The following SAMSN1 variants were observed in gnomAD, a reference collection of about 807,000 sequenced individuals.
The protein encoded by SAMSN1 is SAM domain-containing protein SAMSN-1.
SAMSN1 carries 31 observed loss-of-function variants against 42.0 expected under a neutral mutation model. The ratio of observed to expected loss-of-function variants is 0.74; its 90% CI spans 0.55 to 1.00. The LOEUF (loss-of-function observed/expected upper bound fraction) is 1.00. Ranked by LOEUF, SAMSN1 falls within the 50% of genes least tolerant of loss-of-function variation. SAMSN1 has a pLI of 0.00. For synonymous variants in SAMSN1, 178 were observed against 151.9 expected (o/e 1.17, Z -1.26); for missense variants, 464 against 439.4 (o/e 1.06, Z -0.50).
At chr21:14,602,206 C>T in intron 5 of SAMSN1, 1 of 372,042 alleles carries the variant, frequency 2.7e-6, no homozygotes, top group Non-Finnish European at 4.9e-6. Flanking sequence ...TAAGACATTA[C>T]ATTGGCTACG....
intron 1 of SAMSN1, among the ~76,000 whole-genome samples, chr21:14,530,316 CAA>C (rs71183428): frequency 2.6e-5 from 2 of 75,760 alleles, no homozygotes; most frequent in African/African-American, 1.2e-4. Context: ...GACTCCGTCT[CAA>C]AAAAAAAAAA....
chr21:14,485,476 A>G lies in SAMSN1; in HGVS notation c.*436T>C, dbSNP rs1006511889. The stretch of plus-strand genomic sequence containing the variant: ...ATTAACTCACACTTTCCCAATAAGT[A>G]TAAAAATGAATATAACATTGCTTGG... On this transcript the variant is annotated 3_prime_UTR_variant, in exon 8 of 8. Coordinates refer to ENST00000400566, the MANE Select transcript of SAMSN1 (RefSeq NM_022136.5). The G allele has an allele frequency of 1.3e-5, 2 of 156,494 alleles. No homozygotes were observed. The highest frequency in any genetic ancestry group is 2.4e-5 in the African/African-American group (1 of 41,484). The allele number at this position is 156,494 out of a possible 1,614,324, so 9.7% of individuals were successfully genotyped here. A position where few individuals can be genotyped will look rare whatever the true frequency, so the allele number is the denominator to read the frequency against.
At chr21:14,588,778 G>T (rs956788313) in intron 7 of SAMSN1, among the ~76,000 whole-genome samples, 1 of 151,950 alleles carries the variant, frequency 6.6e-6, no homozygotes, top group African/African-American at 2.4e-5. Context: ...AATGTATCTT[G>T]AATGTTTCTT....
intron 7 of SAMSN1, among the ~76,000 whole-genome samples, chr21:14,588,833 T>C (rs73891867): frequency 3.2e-4 from 49 of 152,018 alleles, no homozygotes; most frequent in African/African-American, 1.2e-3. Context: ...TTTTCTTTCA[T>C]TGAAACTACT....
chr21:14,605,196 C>A (rs1413166389), intron 5 of SAMSN1, among the ~76,000 whole-genome samples: 1 of 152,212 alleles, frequency 6.6e-6, no homozygotes. Flanking sequence ...AAATAGGCAA[C>A]CATAATCTCA....
Position 14,582,274 on chromosome 21 carries a change from C to T in SAMSN1, c.123G>A (p.Lys41=), listed in dbSNP as rs151160030. The change falls in exon 2 of 9, where the codon AAG becomes AAA. Residue 41 remains lysine, a synonymous_variant. Coordinates refer to the SAMSN1 transcript ENST00000285670. ...TCCAGAGAGGGTTTTCAGGAAAAGGCTTCCAGTGATGCCACATGTAAGCTT... is the reference window on the plus strand; with the variant it reads ...TCCAGAGAGGGTTTTCAGGAAAAGGTTTCCAGTGATGCCACATGTAAGCTT... 17 of 1,550,730 alleles carry T rather than the reference C, an allele frequency of 1.1e-5. No homozygotes were observed. In the African/African-American group the frequency reaches 2.3e-4, roughly 21 times the overall value.
intron 1 of SAMSN1, among the ~76,000 whole-genome samples, chr21:14,540,995 G>A (rs947070390): frequency 1.4e-4 from 22 of 152,104 alleles, no homozygotes; most frequent in Admixed American, 2.6e-4. Context: ...CATGGATGAA[G>A]CTGGAAACCA....
chr21:14,582,827 T>C (rs924073322), intron 1 of SAMSN1, among the ~76,000 whole-genome samples: 2 of 150,246 alleles, frequency 1.3e-5, no homozygotes, highest in African/African-American at 5.0e-5. Flanking sequence ...CTTATGTTTC[T>C]ATTCTTAAAT....
chr21:14,648,753 T>G (rs934688531), intron 1 of SAMSN1, among the ~76,000 whole-genome samples: 1 of 151,588 alleles, frequency 6.6e-6, no homozygotes, highest in African/African-American at 2.4e-5. Context: ...TGGCGATCAT[T>G]AAAAAGTCAG....
At chr21:14,621,266 C>A (rs1982996423) in intron 2 of SAMSN1, among the ~76,000 whole-genome samples, 1 of 152,180 alleles carries the variant, frequency 6.6e-6, no homozygotes, top group Non-Finnish European at 1.5e-5. Context: ...GCATTTCCAT[C>A]TGAGGTACTG....
intron 6 of SAMSN1, among the ~76,000 whole-genome samples, chr21:14,599,840 C>A (rs922965223): frequency 2.0e-5 from 3 of 152,044 alleles, no homozygotes; most frequent in Admixed American, 6.6e-5. Flanking sequence ...ATAAACTACC[C>A]GGTCTCAAGT....
Position 14,608,208 on chromosome 21 carries a change from A to G in SAMSN1, c.322+1274T>C, listed in dbSNP as rs953665042. Among the ~76,000 whole-genome samples the G allele has an allele frequency of 1.2e-4, 18 of 152,364 alleles. 1 individual carries two copies. In the East Asian group the frequency reaches 3.5e-3, roughly 29 times the overall value. On this transcript the variant is annotated intron_variant, in intron 5 of 15. Coordinates refer to the SAMSN1 transcript ENST00000647101. ...ATCATATCCTTGAAAGAGCCACTAA[A>G]AAAAGTAGGAAAGGTGGTTTTGGAT...
chr21:14,561,875 T>G (rs1451841479), intron 2 of SAMSN1, among the ~76,000 whole-genome samples: 1 of 152,176 alleles, frequency 6.6e-6, no homozygotes, highest in Non-Finnish European at 1.5e-5. Flanking sequence ...TATGCCACCA[T>G]GAATCAAGGA....
chr21:14,521,088 G>A lies in SAMSN1; in HGVS notation c.129+62C>T, dbSNP rs74592267. 6.2e-4 allele frequency: 639 copies of A among 1,030,606 alleles called. 1 individual carries two copies. Among genetic ancestry groups the A allele is most frequent in the African/African-American group, 5.6e-3 (344 of 61,710 alleles). The allele number at this position is 1,030,606 out of a possible 1,614,324, so 63.8% of individuals were successfully genotyped here. ...TATTTTACTTTGCAAAAGTGACATT[G>A]TCTTCATAATATTTCATAATGTGTT... On this transcript the variant is annotated intron_variant, in intron 2 of 7. Coordinates refer to ENST00000400566, the MANE Select transcript of SAMSN1 (RefSeq NM_022136.5).
chr21:14,563,383 A>G (rs1981007454), intron 2 of SAMSN1, among the ~76,000 whole-genome samples: 1 of 152,238 alleles, frequency 6.6e-6, no homozygotes, highest in Non-Finnish European at 1.5e-5. Context: ...TTTGTTTTGA[A>G]TGCAAATTAC....
At chr21:14,559,791 C>T (rs1980887054) in intron 2 of SAMSN1, among the ~76,000 whole-genome samples, 1 of 152,072 alleles carries the variant, frequency 6.6e-6, no homozygotes, top group African/African-American at 2.4e-5. Flanking sequence ...CAGGTGTAAG[C>T]CACCAAGCCT....
chr21:14,570,507 A>G (rs1207799337), intron 2 of SAMSN1, among the ~76,000 whole-genome samples: 1 of 152,168 alleles, frequency 6.6e-6, no homozygotes, highest in East Asian at 1.9e-4. Flanking sequence ...ACAGATTTGG[A>G]ATGTGCAGTC....
rs760681516 is a variant in SAMSN1 at position 14,516,856 on chromosome 21, G to A, written c.279+36C>T. 1.9e-6 allele frequency: 3 copies of A among 1,548,466 alleles called. No individual in the cohort carries two copies. In the South Asian group the frequency reaches 3.5e-5, roughly 18 times the overall value. ...AGCTGAATAGTTTAAGAAAGTTTTAGTAGAAAAATACAAATGATTATCAGA... is the reference window on the plus strand; with the variant it reads ...AGCTGAATAGTTTAAGAAAGTTTTAATAGAAAAATACAAATGATTATCAGA... On this transcript the variant is annotated intron_variant, in intron 3 of 7. Coordinates refer to ENST00000400566, the MANE Select transcript of SAMSN1 (RefSeq NM_022136.5).
chr21:14,625,811 G>A (rs973943139), intron 2 of SAMSN1, among the ~76,000 whole-genome samples: 6 of 152,272 alleles, frequency 3.9e-5, no homozygotes, highest in Admixed American at 1.3e-4. Flanking sequence ...ACAAGAGCCT[G>A]CATTGCCAGG....
Sources: gnomAD v4.1 joint callset for allele counts (sites outside exome capture counted in the v4.1 genomes callset) on GRCh38, gnomAD v4.1.1 for gene constraint, MANE v1.5 for transcripts, NCBI Gene and HGNC (gene_info 2026-07-23, HGNC 2026-07-21) for gene names.